The following SLC1A6 variants were observed in gnomAD, a reference collection of about 807,000 sequenced individuals.
SLC1A6 encodes excitatory amino acid transporter 4.
In SLC1A6, 15 loss-of-function variants were observed where a neutral mutation model predicts 42.1. The ratio of observed to expected loss-of-function variants is 0.36; its 90% CI spans 0.24 to 0.55. The LOEUF is 0.55. Among genes scored for constraint, SLC1A6 ranks in the 20% least tolerant of loss-of-function variants. The pLI is 0.88. For missense variants in SLC1A6, 542 were observed against 772.5 expected (o/e 0.70, Z 3.54); for synonymous variants, 317 against 319.7 (o/e 0.99, Z 0.09).
chr19:14,956,052 GAGGAGGAAGAGGAGGAAGAAGAAAA>G (rs1030143161), intron 7 of SLC1A6, among the ~76,000 whole-genome samples: 1 of 152,118 alleles, frequency 6.6e-6, no homozygotes, highest in African/African-American at 2.4e-5. Context: ...AGAAGAAGAG[GAGGAGGAAGAGGAGGAAGAAGAAAA>G]AGGAGGAAGA....
At chr19:15,010,002 A>G (rs1209317630) in intron 1 of SLC1A6, among the ~76,000 whole-genome samples, 1 of 123,830 alleles carries the variant, frequency 8.1e-6, no homozygotes, top group Non-Finnish European at 1.7e-5. Context: ...ACATGGCGAA[A>G]CCCCGTCTCT....
intron 8 of SLC1A6, among the ~76,000 whole-genome samples, chr19:14,953,773 G>A (rs2045434983): frequency 6.6e-6 from 1 of 152,136 alleles, no homozygotes; most frequent in East Asian, 1.9e-4. Context: ...ACCACTGGAT[G>A]ATGGGACCTA....
chr19:14,993,134 T>G (rs1219101584), intron 1 of SLC1A6, among the ~76,000 whole-genome samples: 1 of 152,106 alleles, frequency 6.6e-6, no homozygotes, highest in Non-Finnish European at 1.5e-5. Flanking sequence ...AAGTAGAATT[T>G]CAGGGGAGGT....
At chr19:14,992,116 G>T (rs1383170096) in intron 1 of SLC1A6, among the ~76,000 whole-genome samples, 3 of 152,172 alleles carry the variant, frequency 2.0e-5, no homozygotes, top group Admixed American at 6.5e-5. Context: ...GTGAGCCAAC[G>T]CGCCCAGTGC....
At chr19:14,990,750 C>T (rs1207360654) in intron 1 of SLC1A6, among the ~76,000 whole-genome samples, 1 of 142,624 alleles carries the variant, frequency 7.0e-6, no homozygotes, top group East Asian at 2.0e-4. Context: ...GCCTGGGCAA[C>T]AAGAGTGAGA....
chr19:14,981,242 A>G (rs1469124466), upstream of SLC1A6, among the ~76,000 whole-genome samples: 4 of 151,882 alleles, frequency 2.6e-5, no homozygotes, highest in Non-Finnish European at 5.9e-5. Flanking sequence ...ACAGTGAGCT[A>G]TGATTGTGCC....
chr19:14,952,036 T>A (rs1392055958), intron 9 of SLC1A6, among the ~76,000 whole-genome samples: 1 of 151,848 alleles, frequency 6.6e-6, no homozygotes, highest in Non-Finnish European at 1.5e-5. Context: ...GGTCTTGAAC[T>A]CCTGAACTCA....
intron 1 of SLC1A6, chr19:14,975,286 AGTAG>A (rs1379878111): frequency 6.6e-6 from 1 of 152,264 alleles, no homozygotes; most frequent in Non-Finnish European, 1.5e-5. Context: ...CCAAAAAGCC[AGTAG>A]AGAAGGTTCT....
chr19:14,968,766 C>T (rs1240584300), intron 3 of SLC1A6, among the ~76,000 whole-genome samples: 1 of 152,090 alleles, frequency 6.6e-6, no homozygotes, highest in Non-Finnish European at 1.5e-5. Flanking sequence ...TACTGCCTTC[C>T]CTCTACTCCA....
chr19:14,965,574 G>A (rs1318473909), intron 4 of SLC1A6, among the ~76,000 whole-genome samples: 1 of 152,172 alleles, frequency 6.6e-6, no homozygotes, highest in Non-Finnish European at 1.5e-5. Flanking sequence ...AATAGGCTGG[G>A]TGCAGTGGCT....
At chr19:14,956,953 C>T (rs1176106114) in intron 6 of SLC1A6, among the ~76,000 whole-genome samples, 2 of 152,114 alleles carry the variant, frequency 1.3e-5, no homozygotes, top group Non-Finnish European at 2.9e-5. Flanking sequence ...AAAGTTCCTA[C>T]AACTCCAGGA....
Position 14,989,513 on chromosome 19 carries a change from G to A in SLC1A6, c.7-16596C>T, listed in dbSNP as rs540695889. Among the ~76,000 whole-genome samples the A allele has an allele frequency of 1.5e-4, 23 of 151,954 alleles. No individual in the cohort carries two copies. The East Asian group carries it at 2.0e-3, about 13-fold the overall frequency. The stretch of plus-strand genomic sequence containing the variant: ...CGACCTCAGGTGATCCGCCCACCTC[G>A]GCCTCCCAAAGTGTGGAATTACAGG... On this transcript the variant is annotated intron_variant, in intron 1 of 8. Transcript: ENST00000430939.
At chr19:15,006,861 G>C (rs1238467944) in intron 1 of SLC1A6, among the ~76,000 whole-genome samples, 2 of 152,170 alleles carry the variant, frequency 1.3e-5, no homozygotes, top group African/African-American at 4.8e-5. Flanking sequence ...CTGAGAGTGA[G>C]AGGATCCCTT....
chr19:14,992,066 TC>T (rs1461977516), intron 1 of SLC1A6, among the ~76,000 whole-genome samples: 2 of 152,186 alleles, frequency 1.3e-5, no homozygotes, highest in Non-Finnish European at 2.9e-5. Flanking sequence ...CCTTAGGTGA[TC>T]CACCCGCCTC....
At chr19:15,000,020 C>T (rs1044334216) in intron 1 of SLC1A6, among the ~76,000 whole-genome samples, 9 of 147,924 alleles carry the variant, frequency 6.1e-5, no homozygotes, top group South Asian at 2.2e-4. Context: ...CAACAGGCCC[C>T]GGTGTGTGAG....
chr19:14,992,191 C>A (rs909395498), intron 1 of SLC1A6, among the ~76,000 whole-genome samples: 1 of 152,176 alleles, frequency 6.6e-6, no homozygotes, highest in Non-Finnish European at 1.5e-5. Flanking sequence ...CTTGAACATT[C>A]TGCTATTTGG....
In SLC1A6 at chr19:14,963,433, C is replaced by T. The variant is rs1239985017; in HGVS notation, c.591+886G>A. ...CAATGTATTGTGTATTTGAAAATCA[C>T]CAGAAGGGTAGATTTTAAGTGTCTT... On this transcript the variant is annotated intron_variant, in intron 5 of 9. Coordinates refer to ENST00000594383, the MANE Select transcript of SLC1A6 (RefSeq NM_005071.3). Among the ~76,000 whole-genome samples, 4 of 152,118 alleles carry T rather than the reference C, an allele frequency of 2.6e-5. No individual in the cohort carries two copies. The South Asian group carries it at 8.3e-4, about 32-fold the overall frequency.
intron 9 of SLC1A6, among the ~76,000 whole-genome samples, chr19:14,951,798 G>A (rs1038514355): frequency 4.7e-5 from 7 of 149,116 alleles, no homozygotes; most frequent in South Asian, 2.1e-4. Flanking sequence ...GATTACAGGC[G>A]TGAGCCACCA....
chr19:14,970,698 G>A (rs180863450), intron 3 of SLC1A6, among the ~76,000 whole-genome samples: 106 of 148,318 alleles, frequency 7.1e-4, no homozygotes, highest in Middle Eastern at 3.6e-3. Context: ...GCAACGGAGC[G>A]ACACTCTGTC....
Sources: gnomAD v4.1 joint callset for allele counts (sites outside exome capture counted in the v4.1 genomes callset) on GRCh38, gnomAD v4.1.1 for gene constraint, MANE v1.5 for transcripts, NCBI Gene and HGNC (gene_info 2026-07-23, HGNC 2026-07-21) for gene names.